Variants in KIF1A observed in about 807,000 individuals in gnomAD.
The protein encoded by KIF1A is kinesin family member 1A.
A neutral mutation model predicts 227.3 loss-of-function variants in KIF1A; 46 were observed. The ratio of observed to expected loss-of-function variants is 0.20; its 90% CI spans 0.16 to 0.26. The LOEUF (loss-of-function observed/expected upper bound fraction) is 0.26. Among genes scored for constraint, KIF1A ranks in the 10% least tolerant of loss-of-function variants. The pLI, the probability that KIF1A is intolerant of heterozygous loss-of-function variation, is 1.00. For missense variants in KIF1A, 1,683 were observed against 2,485.9 expected (o/e 0.68, Z 6.87); for synonymous variants, 1,022 against 1,012.8 (o/e 1.01, Z -0.17).
At chr2:240,719,234 G>A (rs746978212) in intron 46 of KIF1A, 36 bp from the exon 47 acceptor site, 1 of 1,578,386 alleles carries the variant, frequency 6.3e-7, no homozygotes, top group Non-Finnish European at 8.6e-7. Context: ...GGGGCCCTCG[G>A]TGGGGGCAGC....
chr2:240,721,892 C>G lies in KIF1A; in HGVS notation c.4666-8G>C. On this transcript the variant is annotated splice_region_variant and splice_polypyrimidine_tract_variant and intron_variant, in intron 43 of 48. Transcript: ENST00000498729. ...CGTGAGCAGGCGCAAGCACTGTGGA[C>G]AGAGCACACGCGTGGTCAGGGGCCA... 1.2e-6 allele frequency: 2 copies of G among 1,601,344 alleles called. No individual in the cohort carries two copies. The highest frequency in any genetic ancestry group is 1.1e-5 in the South Asian group (1 of 89,634).
At chr2:240,768,132 G>T (rs952105216) in intron 17 of KIF1A, among the ~76,000 whole-genome samples, 4 of 152,200 alleles carry the variant, frequency 2.6e-5, no homozygotes, top group African/African-American at 9.7e-5. Context: ...TTCTCAAGAA[G>T]GGGGTCCCCA....
At chr2:240,770,363 T>G (rs1053176910) in intron 15 of KIF1A, among the ~76,000 whole-genome samples, 22 of 152,158 alleles carry the variant, frequency 1.4e-4, no homozygotes, top group Non-Finnish European at 2.8e-4. Context: ...CCCAGGCAGG[T>G]GTGCAGGTGT....
At chr2:240,722,697 G>T (rs1441349887) in intron 42 of KIF1A, 41 bp from the exon 43 acceptor site, 2 of 1,435,992 alleles carry the variant, frequency 1.4e-6, no homozygotes, top group Admixed American at 2.5e-5. Context: ...GCACCTCAGG[G>T]GTGACCTCCG....
intron 1 of KIF1A, among the ~76,000 whole-genome samples, chr2:240,815,638 C>T (rs2058259107): frequency 6.6e-6 from 1 of 152,204 alleles, no homozygotes; most frequent in African/African-American, 2.4e-5. Flanking sequence ...TGGAAGAGCA[C>T]TGACTGAGTC....
chr2:240,732,417 G>A (rs1199832761), intron 38 of KIF1A, among the ~76,000 whole-genome samples: 11 of 149,500 alleles, frequency 7.4e-5, no homozygotes, highest in Admixed American at 7.3e-4. Flanking sequence ...AGGGCGTAAG[G>A]GGAGGAGAGG....
intron 44 of KIF1A, 86 bp from the exon 45 acceptor site, chr2:240,721,124 C>T (rs2045321764): frequency 6.5e-7 from 1 of 1,531,618 alleles, no homozygotes; most frequent in African/African-American, 1.4e-5. Flanking sequence ...CTGCGCTTAC[C>T]CCACACCTGC....
chr2:240,797,546 C>G (rs866007928), intron 2 of KIF1A, 101 bp downstream of exon 2: 1 of 794,060 alleles, frequency 1.3e-6, no homozygotes, highest in South Asian at 1.5e-5. Flanking sequence ...GGTGCTCTTG[C>G]GGCCAGGGCC....
Position 240,793,889 on chromosome 2 carries a change from C to T in KIF1A, c.106+3758G>A, listed in dbSNP as rs929494617. Among the ~76,000 whole-genome samples, 7 of 152,186 alleles carry T rather than the reference C, an allele frequency of 4.6e-5. No individual in the cohort carries two copies. Among genetic ancestry groups the T allele is most frequent in the Non-Finnish European group, 7.4e-5 (5 of 68,026 alleles). ...GCAGGCTGGCCAGGTCACTTCCCCA[C>T]GACATCCTCTGAGGGGCCCCGCACA... On this transcript the variant is annotated intron_variant, in intron 2 of 48. Coordinates refer to ENST00000498729, the MANE Select transcript of KIF1A (RefSeq NM_001244008.2). This position sits in a 1 kb window ranked among gnomAD's most constrained non-coding sequence, Gnocchi z 4.8.
chr2:240,747,198 G>A (rs2048704932), intron 29 of KIF1A, 38 bp downstream of exon 29: 2 of 1,506,910 alleles, frequency 1.3e-6, no homozygotes, highest in Non-Finnish European at 1.8e-6. Flanking sequence ...TGAGCGCCAG[G>A]CACCTCCAGG....
intron 18 of KIF1A, 63 bp downstream of exon 18, chr2:240,767,203 A>C: frequency 1.4e-6 from 2 of 1,411,758 alleles, no homozygotes; most frequent in Non-Finnish European, 2.0e-6. Context: ...TGGGGAGTCC[A>C]GCCTTCCCCT....
chr2:240,771,041 G>T lies in KIF1A; in HGVS notation c.1271C>A (p.Ala424Asp), dbSNP rs780212657. ...SSLSALSSRA[A>D]SVSSLHERIL... Reference sequence around the variant, plus strand: ...GCGCTCGTGGAGGCTGGACACGGAGGCCGCGCGGCTGGACAGGGCTGAGAG... The same window carrying T: ...GCGCTCGTGGAGGCTGGACACGGAGTCCGCGCGGCTGGACAGGGCTGAGAG... The change falls in exon 15 of 49, where the codon GCC becomes GAC. Residue 424 changes from alanine (A) to aspartate (D), a missense_variant. Ala to Asp is a moderately radical substitution (Grantham distance 126). Coordinates refer to ENST00000498729, the MANE Select transcript of KIF1A (RefSeq NM_001244008.2). 4 of 1,613,308 alleles carry T rather than the reference G, an allele frequency of 2.5e-6. No individual in the cohort carries two copies. The East Asian group carries it at 8.9e-5, about 36-fold the overall frequency.
intron 1 of KIF1A, among the ~76,000 whole-genome samples, chr2:240,811,459 T>A (rs2057858662): frequency 2.0e-5 from 3 of 152,128 alleles, no homozygotes; most frequent in Admixed American, 2.0e-4. Flanking sequence ...GCCCCAAGGG[T>A]GGCCAGAGCC....
intron 1 of KIF1A, among the ~76,000 whole-genome samples, chr2:240,811,576 T>C (rs2057869031): frequency 1.3e-5 from 2 of 152,092 alleles, no homozygotes; most frequent in African/African-American, 4.8e-5. Context: ...ACACAGCACA[T>C]GCCAGAGCCC....
chr2:240,750,354 C>T (rs1415134503), intron 28 of KIF1A, 75 bp downstream of exon 28: 2 of 1,099,690 alleles, frequency 1.8e-6, no homozygotes, highest in African/African-American at 3.1e-5. Flanking sequence ...TTCTTGGGCC[C>T]ACGCCTCTGC....
intron 40 of KIF1A, 54 bp from the exon 41 acceptor site, chr2:240,724,090 C>T (rs2045713620): frequency 6.7e-7 from 1 of 1,495,490 alleles, no homozygotes; most frequent in Non-Finnish European, 9.3e-7. Context: ...AACAGGGACA[C>T]ACAGCCAGCC....
chr2:240,786,304 G>A, intron 6 of KIF1A, 31 bp downstream of exon 6: 1 of 1,604,106 alleles, frequency 6.2e-7, no homozygotes, highest in Non-Finnish European at 8.5e-7. Context: ...GGACAGGAGG[G>A]CAGGGAGGTC....
Position 240,747,334 on chromosome 2 carries a change from C to T in KIF1A, c.2978-13G>A, listed in dbSNP as rs530386923. 1.2e-6 allele frequency: 2 copies of T among 1,610,180 alleles called. No individual in the cohort carries two copies. Among genetic ancestry groups the T allele is most frequent in the Non-Finnish European group, 1.7e-6 (2 of 1,177,116 alleles). On this transcript the variant is annotated splice_polypyrimidine_tract_variant and intron_variant, in intron 28 of 48. Transcript: ENST00000498729. The stretch of plus-strand genomic sequence containing the variant: ...GCCTCTTCATCGGCTGCAGGAGAAA[C>T]AGAGCAAATGGTTGGAGCCCAGCTT...
intron 46 of KIF1A, 53 bp from the exon 47 acceptor site, chr2:240,719,251 C>T (rs2044965299): frequency 6.4e-7 from 1 of 1,550,428 alleles, no homozygotes; most frequent in East Asian, 2.3e-5. Context: ...CAGCGACTGA[C>T]TCGGGCACTC....
Sources: gnomAD v4.1 joint callset for allele counts (sites outside exome capture counted in the v4.1 genomes callset) on GRCh38, gnomAD v4.1.1 for gene constraint, Gnocchi (gnomAD v3.1) non-coding constraint, MANE v1.5 for transcripts, NCBI Gene and HGNC (gene_info 2026-07-23, HGNC 2026-07-21) for gene names.